SMIM18: variants seen among roughly 807,000 people sequenced by gnomAD.
The protein encoded by SMIM18 is small integral membrane protein 18.
A neutral mutation model predicts 5.9 loss-of-function variants in SMIM18; 4 were observed. The observed-to-expected ratio is 0.68, with a 90% CI of 0.33 to 1.56. The LOEUF (loss-of-function observed/expected upper bound fraction) is 1.56, where lower values mean the gene tolerates loss of function less well. SMIM18 is among the 40% of genes most tolerant of loss of function. The pLI is 0.06. For synonymous variants in SMIM18, 37 were observed against 37.4 expected (o/e 0.99, Z 0.04); for missense variants, 89 against 109.7 (o/e 0.81, Z 0.84).
Position 30,645,633 on chromosome 8 carries a change from G to A in SMIM18, c.*36G>A. Reference sequence around the variant, plus strand: ...AAGATGAACAAAATCTCTGAAAGCAGCTCAACCTCTTCTGAGAAAAAAAAT... The same window carrying A: ...AAGATGAACAAAATCTCTGAAAGCAACTCAACCTCTTCTGAGAAAAAAAAT... On this transcript the variant is annotated 3_prime_UTR_variant, in exon 3 of 3. Coordinates refer to ENST00000517349, the MANE Select transcript of SMIM18 (RefSeq NM_001206847.2). 1.3e-6 allele frequency: 2 copies of A among 1,499,964 alleles called. No individual in the cohort carries two copies. Among genetic ancestry groups the A allele is most frequent in the Non-Finnish European group, 1.8e-6 (2 of 1,128,374 alleles). 92.9% of individuals were successfully genotyped at this position (1,499,964 alleles called of 1,614,324 possible). A position where few individuals can be genotyped will look rare whatever the true frequency, so the allele number is the denominator to read the frequency against.
chr8:30,642,004 G>A (rs1389087019), intron 1 of SMIM18, among the ~76,000 whole-genome samples: 1 of 152,190 alleles, frequency 6.6e-6, no homozygotes, highest in Non-Finnish European at 1.5e-5. Context: ...TGTGAATAAA[G>A]TATACAGTCT....
chr8:30,641,816 C>T (rs1801844987), intron 1 of SMIM18, among the ~76,000 whole-genome samples: 1 of 151,918 alleles, frequency 6.6e-6, no homozygotes, highest in African/African-American at 2.4e-5. Flanking sequence ...GCAGAGGTTG[C>T]AGTGAGTCAA....
chr8:30,645,825 C>CCTG lies in SMIM18; in HGVS notation c.*228_*229insCTG. ...TGTGAATTTACTAATCTGTTTAATA[C>CCTG]TGACACTTCAAAAACTGGATAAAAG... On this transcript the variant is annotated 3_prime_UTR_variant, in exon 3 of 3. Coordinates refer to ENST00000517349, the MANE Select transcript of SMIM18 (RefSeq NM_001206847.2). The CCTG allele has an allele frequency of 6.8e-6, 3 of 439,638 alleles. No homozygotes were observed. Among genetic ancestry groups the CCTG allele is most frequent in the South Asian group, 4.7e-5 (1 of 21,100 alleles). The allele number at this position is 439,638 out of a possible 1,614,324, so 27.2% of individuals were successfully genotyped here. A position where few individuals can be genotyped will look rare whatever the true frequency, so the allele number is the denominator to read the frequency against.
rs1411102292 is a variant in SMIM18, at chr8:30,644,562, G to A, written c.-40G>A. ...GGGAAACAGGAGACAGAAATACACT[G>A]AACCAAAAAGGTAAGAAGAATCCAC... is the stretch of plus-strand genomic sequence containing the variant. On this transcript the variant is annotated 5_prime_UTR_variant, in exon 2 of 3. Transcript: ENST00000517349. 1 of 151,914 alleles carries A rather than the reference G, an allele frequency of 6.6e-6. No individual in the cohort carries two copies. The highest frequency in any genetic ancestry group is 1.9e-4 in the East Asian group (1 of 5,204). The allele number at this position is 151,914 out of a possible 1,614,324, so 9.4% of individuals were successfully genotyped here.
intron 1 of SMIM18, among the ~76,000 whole-genome samples, chr8:30,641,746 A>G (rs1801842187): frequency 6.6e-6 from 1 of 152,202 alleles, no homozygotes; most frequent in Admixed American, 6.5e-5. Flanking sequence ...GTGTGACTGT[A>G]CATACCTGTA....
intron 1 of SMIM18, among the ~76,000 whole-genome samples, chr8:30,639,865 G>T (rs1268230426): frequency 6.6e-6 from 1 of 151,144 alleles, no homozygotes; most frequent in East Asian, 1.9e-4. Context: ...GCTGTAATAA[G>T]ATACTAGATC....
intron 1 of SMIM18, among the ~76,000 whole-genome samples, chr8:30,639,886 C>T (rs533595419): frequency 6.6e-6 from 1 of 151,994 alleles, no homozygotes; most frequent in East Asian, 1.9e-4. Context: ...TGTCCAGGTT[C>T]AGCACAGTGG....
rs1162745848 is a variant in SMIM18 at position 30,645,618 on chromosome 8, A to G, written c.*21A>G. 6.6e-7 allele frequency: 1 copy of G among 1,516,968 alleles called. No individual in the cohort carries two copies. The highest frequency in any genetic ancestry group is 8.8e-7 in the Non-Finnish European group (1 of 1,137,700). 94.0% of individuals were successfully genotyped at this position (1,516,968 alleles called of 1,614,324 possible). On this transcript the variant is annotated 3_prime_UTR_variant, in exon 3 of 3. Coordinates refer to ENST00000517349, the MANE Select transcript of SMIM18 (RefSeq NM_001206847.2). ...TCTAACACTCTATAGAAGATGAACA[A>G]AATCTCTGAAAGCAGCTCAACCTCT...
chr8:30,643,007 T>C (rs1172803472), intron 1 of SMIM18, among the ~76,000 whole-genome samples: 1 of 152,182 alleles, frequency 6.6e-6, no homozygotes, highest in Non-Finnish European at 1.5e-5. Context: ...TGGAGTGCAA[T>C]GTGCATTTTC....
rs1802048773 is a variant in SMIM18 at position 30,645,672 on chromosome 8, A to G, written c.*75A>G. 2.2e-6 allele frequency: 3 copies of G among 1,391,284 alleles called. No individual in the cohort carries two copies. Among genetic ancestry groups the G allele is most frequent in the Admixed American group, 2.7e-5 (1 of 37,288 alleles). The allele number at this position is 1,391,284 out of a possible 1,614,324, so 86.2% of individuals were successfully genotyped here. ...GAGAAAAAAAATATATTCTGAGGCC[A>G]ACTGTTGCTACAAAACAAATTCTGA... On this transcript the variant is annotated 3_prime_UTR_variant, in exon 3 of 3. Coordinates refer to ENST00000517349, the MANE Select transcript of SMIM18 (RefSeq NM_001206847.2).
At chr8:30,643,075 A>T (rs1398026425) in intron 1 of SMIM18, among the ~76,000 whole-genome samples, 1 of 152,222 alleles carries the variant, frequency 6.6e-6, no homozygotes, top group Non-Finnish European at 1.5e-5. Flanking sequence ...GTGACTTACC[A>T]AGCAAACCTA....
chr8:30,642,017 C>G (rs1223394702), intron 1 of SMIM18, among the ~76,000 whole-genome samples: 2 of 152,126 alleles, frequency 1.3e-5, no homozygotes, highest in Non-Finnish European at 2.9e-5. Context: ...TACAGTCTAA[C>G]AAAAATGACA....
At chr8:30,640,551 G>T (rs1801779476) in intron 1 of SMIM18, among the ~76,000 whole-genome samples, 1 of 152,156 alleles carries the variant, frequency 6.6e-6, no homozygotes, top group African/African-American at 2.4e-5. Context: ...TAAGGCATGG[G>T]TAGGGAAGTC....
chr8:30,643,661 A>AC (rs1276114205), intron 1 of SMIM18: 2 of 150,756 alleles, frequency 1.3e-5, no homozygotes, highest in Non-Finnish European at 3.0e-5. Flanking sequence ...CTCTGCCTAA[A>AC]AAAAAAAAAA....
chr8:30,640,762 T>A (rs1563504795), intron 1 of SMIM18, among the ~76,000 whole-genome samples: 1 of 152,196 alleles, frequency 6.6e-6, no homozygotes, highest in Non-Finnish European at 1.5e-5. Flanking sequence ...TAGAGTGCAG[T>A]GGCGCAATCT....
chr8:30,644,385 C>A (rs1350464224), intron 1 of SMIM18, 107 bp from the exon 2 acceptor site: 2 of 152,098 alleles, frequency 1.3e-5, no homozygotes, highest in African/African-American at 2.4e-5. Context: ...TCATTTATAA[C>A]CCCAAGATTA....
intron 1 of SMIM18, among the ~76,000 whole-genome samples, chr8:30,642,550 C>T (rs897426137): frequency 6.6e-6 from 1 of 152,152 alleles, no homozygotes; most frequent in African/African-American, 2.4e-5. Context: ...AAGCCTCAAA[C>T]ATATCCCTGT....
At chr8:30,641,863 G>A (rs1033351993) in intron 1 of SMIM18, among the ~76,000 whole-genome samples, 21 of 152,022 alleles carry the variant, frequency 1.4e-4, no homozygotes, top group African/African-American at 5.1e-4. Context: ...GTGACAGAAC[G>A]AGACTCTGTC....
intron 1 of SMIM18, among the ~76,000 whole-genome samples, chr8:30,638,918 T>C (rs149197537): frequency 9.8e-4 from 149 of 152,322 alleles, no homozygotes; most frequent in African/African-American, 3.4e-3. Flanking sequence ...ACCATAGCTT[T>C]TTATTTTAAC....
Sources: gnomAD v4.1 joint callset for allele counts (sites outside exome capture counted in the v4.1 genomes callset) on GRCh38, gnomAD v4.1.1 for gene constraint, MANE v1.5 for transcripts, NCBI Gene and HGNC (gene_info 2026-07-23, HGNC 2026-07-21) for gene names.